Variants in THOC3 observed in about 807,000 individuals in gnomAD.
THOC3 encodes the protein THO complex subunit 3.
Under a neutral mutation model 23.3 loss-of-function variants are expected in THOC3, and 4 were observed. The observed-to-expected ratio is 0.17, with a 90% CI of 0.08 to 0.39. THOC3 has a LOEUF of 0.39. THOC3 is among the 10% of genes least tolerant of loss of function. The pLI is 1.00. For missense variants in THOC3, 64 were observed against 359.4 expected (o/e 0.18, Z 6.65); for synonymous variants, 27 against 141.5 (o/e 0.19, Z 5.74).
chr5:175,963,346 TAA>T (rs1756702329), intron 3 of THOC3, among the ~76,000 whole-genome samples: 1 of 152,366 alleles, frequency 6.6e-6, no homozygotes, highest in South Asian at 2.1e-4. Flanking sequence ...TTGAGTAATT[TAA>T]GAGATACAAA....
intron 2 of THOC3, among the ~76,000 whole-genome samples, chr5:175,965,704 C>A (rs112655160): frequency 6.6e-6 from 1 of 151,356 alleles, no homozygotes; most frequent in African/African-American, 2.4e-5. Context: ...GGATTACAGG[C>A]GTGAGCCACC....
chr5:175,963,077 A>G (rs1467154710), intron 3 of THOC3, among the ~76,000 whole-genome samples: 1 of 140,346 alleles, frequency 7.1e-6, no homozygotes, highest in South Asian at 2.3e-4. Context: ...ATGATTCTTT[A>G]AAAAAAAAAC....
chr5:175,961,768 C>T (rs1428626699), intron 3 of THOC3, among the ~76,000 whole-genome samples: 2 of 151,732 alleles, frequency 1.3e-5, no homozygotes, highest in East Asian at 1.9e-4. Context: ...GATACACAAG[C>T]GAGAAAACGA....
intron 2 of THOC3, among the ~76,000 whole-genome samples, chr5:175,966,382 TAA>T (rs1756767495): frequency 6.6e-6 from 1 of 151,220 alleles, no homozygotes; most frequent in Non-Finnish European, 1.5e-5. Flanking sequence ...CCTCCAGAGA[TAA>T]GTCTTGTCAA....
At chr5:175,962,093 A>AT (rs1756670567) in intron 3 of THOC3, among the ~76,000 whole-genome samples, 3 of 152,024 alleles carry the variant, frequency 2.0e-5, no homozygotes, top group Non-Finnish European at 4.4e-5. Context: ...ATATAGTACT[A>AT]TTTTTTTAAT....
At chr5:175,963,255 G>A (rs1265867900) in intron 3 of THOC3, among the ~76,000 whole-genome samples, 2 of 152,224 alleles carry the variant, frequency 1.3e-5, no homozygotes, top group Non-Finnish European at 2.9e-5. Context: ...ACAGCATATG[G>A]AATCAGCAAA....
At chr5:175,964,815 T>C in intron 3 of THOC3, 136 bp downstream of exon 3, 1 of 529,372 alleles carries the variant, frequency 1.9e-6, no homozygotes, top group South Asian at 2.2e-5. Context: ...TCAAATGTAC[T>C]TAAGACAGGT....
rs1408806977 is a variant in THOC3 at position 175,968,307 on chromosome 5, G to C, written c.-99C>G. Reference sequence around the variant, plus strand: ...GCACGCATGCGCCCGGAAGAGCGACGGCCCCTCTGCGCAGGCGCGCTGTAC... The same window carrying C: ...GCACGCATGCGCCCGGAAGAGCGACCGCCCCTCTGCGCAGGCGCGCTGTAC... On this transcript the variant is annotated 5_prime_UTR_variant, in exon 1 of 6. Coordinates refer to ENST00000265097, the MANE Select transcript of THOC3 (RefSeq NM_032361.4). 6.5e-7 allele frequency: 1 copy of C among 1,531,538 alleles called. No homozygotes were observed. Among genetic ancestry groups the C allele is most frequent in the Non-Finnish European group, 8.7e-7 (1 of 1,145,076 alleles). The allele number at this position is 1,531,538 out of a possible 1,614,324, so 94.9% of individuals were successfully genotyped here.
Position 175,965,072 on chromosome 5 carries a change from C to T in THOC3, c.508G>A (p.Ala170Thr). Residue 170 changes from alanine to threonine, a missense_variant, in exon 3 of 6, where the codon GCC (alanine) becomes ACC (threonine). Physicochemically the swap from Ala to Thr is moderately conservative, Grantham distance 58. Transcript: ENST00000265097. ...TCTGCTTTGGAACGGTGTGTCTTGGCATCAATAAAGGTCACCACATCATCC... is the reference window on the plus strand; with the variant it reads ...TCTGCTTTGGAACGGTGTGTCTTGGTATCAATAAAGGTCACCACATCATCC... ...NKDDVVTFID[A>T]KTHRSKAEEQ... The T allele has an allele frequency of 6.3e-7, 1 of 1,584,576 alleles. No individual in the cohort carries two copies. Among genetic ancestry groups the T allele is most frequent in the Non-Finnish European group, 8.6e-7 (1 of 1,163,516 alleles).
chr5:175,960,723 TAAAGAG>T (rs1354535216), intron 5 of THOC3: 5 of 156,214 alleles, frequency 3.2e-5, no homozygotes, highest in Non-Finnish European at 6.6e-5. Context: ...AGGCAAAAGA[TAAAGAG>T]AAATATATCA....
intron 3 of THOC3, among the ~76,000 whole-genome samples, chr5:175,963,369 A>ATT (rs145513997): frequency 2.0e-5 from 3 of 146,980 alleles, no homozygotes; most frequent in African/African-American, 7.4e-5. Flanking sequence ...AGACATATCA[A>ATT]TTTTTTTTTT....
chr5:175,963,476 G>A (rs1399998969), intron 3 of THOC3, among the ~76,000 whole-genome samples: 11 of 145,528 alleles, frequency 7.6e-5, no homozygotes, highest in South Asian at 6.5e-4. Context: ...TGCTTTTGTG[G>A]AAGGAAGTTG....
At chr5:175,961,914 TC>T (rs1385255470) in intron 3 of THOC3, among the ~76,000 whole-genome samples, 1 of 151,678 alleles carries the variant, frequency 6.6e-6, no homozygotes, top group African/African-American at 2.4e-5. Flanking sequence ...GGAATAATGT[TC>T]CCATGAACGC....
intron 2 of THOC3, 70 bp from the exon 3 acceptor site, chr5:175,965,225 C>T: frequency 6.3e-7 from 1 of 1,598,824 alleles, no homozygotes; most frequent in East Asian, 2.2e-5. Context: ...ATTGCACTAT[C>T]CTAGAAAGAA....
At chr5:175,962,521 CT>C (rs151187689) in intron 3 of THOC3, among the ~76,000 whole-genome samples, 54,941 of 107,268 alleles carry the variant, frequency 0.51, 8,990 homozygotes, top group African/African-American at 0.68. Context: ...TGTAAGGCTC[CT>C]TTTTTTTTTT....
intron 3 of THOC3, among the ~76,000 whole-genome samples, chr5:175,964,515 G>C (rs1756728318): frequency 6.6e-6 from 1 of 152,126 alleles, no homozygotes; most frequent in Admixed American, 6.5e-5. Flanking sequence ...TACTTGGGAG[G>C]CTGAGGCAGG....
Position 175,965,063 on chromosome 5 carries a change from G to A in THOC3, c.517C>T (p.His173Tyr). 1 of 1,580,280 alleles carries A rather than the reference G, an allele frequency of 6.3e-7. No individual in the cohort carries two copies. Among genetic ancestry groups the A allele is most frequent in the South Asian group, 1.1e-5 (1 of 87,882 alleles). ...DVVTFIDAKT[H>Y]RSKAEEQFKF... is the part of the protein sequence containing the mutation. ...AACTGCTCTTCTGCTTTGGAACGGT[G>A]TGTCTTGGCATCAATAAAGGTCACC... The change falls in exon 3 of 6, where the codon CAC becomes TAC. Residue 173 changes from histidine to tyrosine, a missense_variant. His to Tyr is a moderately conservative substitution (Grantham distance 83). Coordinates refer to ENST00000265097, the MANE Select transcript of THOC3 (RefSeq NM_032361.4).
chr5:175,964,425 C>T (rs1156375291), intron 3 of THOC3, among the ~76,000 whole-genome samples: 3 of 152,256 alleles, frequency 2.0e-5, no homozygotes, highest in African/African-American at 7.2e-5. Context: ...TGGAGACCAG[C>T]CTGACCAACA....
Position 175,966,060 on chromosome 5 carries a change from G to A in THOC3, c.425-905C>T, listed in dbSNP as rs1318034421. ...TAGCCAGGCATGGTGGCATGTGCCTGTAGTCCCAGCTACTCAGGAGGTTGA... is the reference window on the plus strand; with the variant it reads ...TAGCCAGGCATGGTGGCATGTGCCTATAGTCCCAGCTACTCAGGAGGTTGA... On this transcript the variant is annotated intron_variant, in intron 2 of 5. Transcript: ENST00000265097. Among the ~76,000 whole-genome samples, 293 of 149,136 alleles carry A rather than the reference G, an allele frequency of 2.0e-3. 1 individual carries two copies. The highest frequency in any genetic ancestry group is 6.9e-3 in the African/African-American group (279 of 40,598).
Sources: gnomAD v4.1 joint callset for allele counts (sites outside exome capture counted in the v4.1 genomes callset) on GRCh38, gnomAD v4.1.1 for gene constraint, MANE v1.5 for transcripts, NCBI Gene and HGNC (gene_info 2026-07-23, HGNC 2026-07-21) for gene names.